The following FAF1 variants were observed in gnomAD, a reference collection of about 807,000 sequenced individuals.
The protein encoded by FAF1 is FAS-associated factor 1.
A neutral mutation model predicts 92.5 loss-of-function variants in FAF1; 25 were observed. The ratio of observed to expected loss-of-function variants is 0.27; its 90% CI spans 0.20 to 0.38. The LOEUF is 0.38. Among genes scored for constraint, FAF1 ranks in the 10% least tolerant of loss-of-function variants. The probability of loss-of-function intolerance (pLI) is 1.00; values close to 1 mark genes in which losing one functional copy is unlikely to be tolerated. For synonymous variants in FAF1, 234 were observed against 273.2 expected, an observed-to-expected ratio of 0.86 and a Z score of 1.42; for missense variants, 636 against 793.3, an observed-to-expected ratio of 0.80 and a Z score of 2.38.
chr1:50,594,062 C>A (rs1338376749), intron 9 of FAF1, among the ~76,000 whole-genome samples: 2 of 152,138 alleles, frequency 1.3e-5, no homozygotes, highest in Admixed American at 6.5e-5. Flanking sequence ...CCTGTAATCC[C>A]AGCACTTTGG....
At chr1:50,473,301 A>G (rs1646599451) in intron 18 of FAF1, among the ~76,000 whole-genome samples, 1 of 152,194 alleles carries the variant, frequency 6.6e-6, no homozygotes. Context: ...CCTGTCAGTA[A>G]TAAGCTTTAA....
At chr1:50,525,189 A>G (rs1175519828) in intron 15 of FAF1, among the ~76,000 whole-genome samples, 1 of 152,098 alleles carries the variant, frequency 6.6e-6, no homozygotes, top group Non-Finnish European at 1.5e-5. Flanking sequence ...CCTGGCCCCC[A>G]TATGTATTTT....
At chr1:50,940,730 A>G (rs545474612) in intron 1 of FAF1, among the ~76,000 whole-genome samples, 4 of 152,360 alleles carry the variant, frequency 2.6e-5, no homozygotes, top group African/African-American at 4.8e-5. Context: ...TTAAAAATGA[A>G]AGTAATGTAC....
intron 8 of FAF1, among the ~76,000 whole-genome samples, chr1:50,597,061 T>C (rs1021836699): frequency 4.6e-5 from 7 of 152,068 alleles, no homozygotes; most frequent in Non-Finnish European, 5.9e-5. Context: ...ATAGGGATAG[T>C]ATTTGATTAT....
intron 6 of FAF1, among the ~76,000 whole-genome samples, chr1:50,735,771 C>T (rs1659112420): frequency 6.6e-6 from 1 of 152,006 alleles, no homozygotes; most frequent in Non-Finnish European, 1.5e-5. Context: ...GCTTAAAGTA[C>T]AGTGGCATGA....
At chr1:50,456,727 G>A (rs1366776753) in intron 18 of FAF1, among the ~76,000 whole-genome samples, 1 of 152,162 alleles carries the variant, frequency 6.6e-6, no homozygotes, top group Non-Finnish European at 1.5e-5. Context: ...GCTCTCAGGA[G>A]TATACAGTCT....
At chr1:50,946,208 G>C (rs1446564245) in intron 1 of FAF1, among the ~76,000 whole-genome samples, 1 of 152,222 alleles carries the variant, frequency 6.6e-6, no homozygotes, top group East Asian at 1.9e-4. Context: ...ACATCTGTAA[G>C]TCTTGTCTGA....
At chr1:50,487,397 C>T (rs2149006329) in intron 17 of FAF1, among the ~76,000 whole-genome samples, 1 of 152,296 alleles carries the variant, frequency 6.6e-6, no homozygotes, top group Non-Finnish European at 1.5e-5. Context: ...TTAGTCTTAT[C>T]TTTGGCATTA....
intron 1 of FAF1, among the ~76,000 whole-genome samples, chr1:50,864,061 A>T (rs1486311604): frequency 6.6e-6 from 1 of 151,526 alleles, no homozygotes; most frequent in African/African-American, 2.4e-5. Context: ...CCCCTTTATC[A>T]TTTTTTATTG....
At chr1:50,500,863 G>A (rs1315256281) in intron 15 of FAF1, among the ~76,000 whole-genome samples, 1 of 152,064 alleles carries the variant, frequency 6.6e-6, no homozygotes, top group Non-Finnish European at 1.5e-5. Flanking sequence ...ATTATAAGCT[G>A]TTCATCTAAC....
intron 6 of FAF1, among the ~76,000 whole-genome samples, chr1:50,731,811 T>C (rs1281771935): frequency 6.6e-6 from 1 of 152,210 alleles, no homozygotes; most frequent in Non-Finnish European, 1.5e-5. Flanking sequence ...ACTTCATTTT[T>C]ACCCATAAAT....
At chr1:50,487,971 G>GT (rs1375942961) in intron 17 of FAF1, among the ~76,000 whole-genome samples, 1 of 152,100 alleles carries the variant, frequency 6.6e-6, no homozygotes, top group Non-Finnish European at 1.5e-5. Context: ...CCAAACAGTG[G>GT]TTTGTGATAC....
At chr1:50,502,626 G>C (rs553095215) in intron 15 of FAF1, among the ~76,000 whole-genome samples, 51 of 152,272 alleles carry the variant, frequency 3.3e-4, no homozygotes, top group African/African-American at 1.2e-3. Flanking sequence ...CTGGAGGCTG[G>C]ACTTGCCGTA....
chr1:50,841,146 A>T (rs1170842681), intron 2 of FAF1, among the ~76,000 whole-genome samples: 1 of 152,120 alleles, frequency 6.6e-6, no homozygotes, highest in East Asian at 1.9e-4. Context: ...TACAGCAGTA[A>T]GAAAAAGATT....
chr1:50,882,618 A>T (rs2124690093), intron 1 of FAF1, among the ~76,000 whole-genome samples: 1 of 150,732 alleles, frequency 6.6e-6, no homozygotes, highest in Admixed American at 6.6e-5. Context: ...ATAAATAAAT[A>T]AATAAATAAA....
chr1:50,705,961 C>A, intron 6 of FAF1, 70 bp from the exon 7 acceptor site: 1 of 864,206 alleles, frequency 1.2e-6, no homozygotes, highest in South Asian at 1.4e-5. Flanking sequence ...CAGCTAGCTG[C>A]AAAAACCCCA....
chr1:50,654,709 G>A (rs1655024578), intron 8 of FAF1, among the ~76,000 whole-genome samples: 1 of 152,072 alleles, frequency 6.6e-6, no homozygotes, highest in South Asian at 2.1e-4. Context: ...TAAATATAAT[G>A]ATTAGCTTGA....
intron 12 of FAF1, among the ~76,000 whole-genome samples, 162 bp from the exon 13 acceptor site, chr1:50,567,393 A>T (rs968497495): frequency 6.6e-6 from 1 of 152,102 alleles, no homozygotes; most frequent in African/African-American, 2.4e-5. Context: ...AGCATCTAAA[A>T]TATCAAAAAA....
chr1:50,466,218 C>A (rs1335200496), intron 18 of FAF1, among the ~76,000 whole-genome samples: 1 of 152,078 alleles, frequency 6.6e-6, no homozygotes, highest in East Asian at 1.9e-4. Context: ...GTAAAACCAA[C>A]AGATTTTGCT....
Sources: allele counts gnomAD v4.1 joint callset (sites outside exome capture counted in the v4.1 genomes callset), GRCh38; gene constraint gnomAD v4.1.1; transcripts MANE v1.5; gene names NCBI Gene and HGNC (gene_info 2026-07-23, HGNC 2026-07-21).